Variants in SLC14A2 observed in about 807,000 individuals in gnomAD.
SLC14A2 encodes the protein solute carrier family 14 member 2.
SLC14A2 carries 91 observed loss-of-function variants against 104.6 expected under a neutral mutation model. The ratio of observed to expected loss-of-function variants is 0.87; its 90% CI spans 0.73 to 1.04. SLC14A2 has a LOEUF of 1.04. Among genes scored for constraint, SLC14A2 ranks in the 50% least tolerant of loss-of-function variants. SLC14A2 has a pLI of 0.00. For missense variants in SLC14A2, 1,189 were observed against 1,156.0 expected (o/e 1.03, Z -0.41); for synonymous variants, 476 against 466.4 (o/e 1.02, Z -0.27).
At chr18:45,643,650 C>T (rs998542949) in intron 9 of SLC14A2, among the ~76,000 whole-genome samples, 1 of 152,212 alleles carries the variant, frequency 6.6e-6, no homozygotes, top group Admixed American at 6.5e-5. Flanking sequence ...CCTCCCAGTT[C>T]AGCCTCCCAA....
At chr18:45,262,447 G>T (rs1476576724) in intron 1 of SLC14A2, among the ~76,000 whole-genome samples, 1 of 152,128 alleles carries the variant, frequency 6.6e-6, no homozygotes, top group Non-Finnish European at 1.5e-5. Context: ...CTGAGGAAGG[G>T]GATGCTGCAG....
intron 10 of SLC14A2, among the ~76,000 whole-genome samples, chr18:45,661,502 A>G (rs1248283528): frequency 6.6e-6 from 1 of 152,208 alleles, no homozygotes; most frequent in African/African-American, 2.4e-5. Flanking sequence ...TTGGGAACTG[A>G]GAGACCCAAA....
chr18:45,324,849 G>A (rs963844124), intron 1 of SLC14A2, among the ~76,000 whole-genome samples: 2 of 152,010 alleles, frequency 1.3e-5, no homozygotes, highest in African/African-American at 4.8e-5. Flanking sequence ...GTTGCAATAT[G>A]TTGGAATATG....
At chr18:45,371,938 A>C (rs942372362) in intron 1 of SLC14A2, among the ~76,000 whole-genome samples, 1 of 152,222 alleles carries the variant, frequency 6.6e-6, no homozygotes, top group African/African-American at 2.4e-5. Flanking sequence ...TCTTGAAAAT[A>C]ATTGGGATAG....
At chr18:45,606,710 T>C (rs1426331508) in intron 2 of SLC14A2, among the ~76,000 whole-genome samples, 2 of 142,876 alleles carry the variant, frequency 1.4e-5, no homozygotes, top group South Asian at 4.4e-4. Context: ...TTTACCTAAA[T>C]GCCTATAACT....
At chr18:45,449,423 A>AT (rs1387487517) in intron 1 of SLC14A2, among the ~76,000 whole-genome samples, 1 of 152,052 alleles carries the variant, frequency 6.6e-6, no homozygotes, top group East Asian at 1.9e-4. Flanking sequence ...CATACCTCTC[A>AT]TTTGGATCCT....
chr18:45,307,950 C>T (rs1329473045), intron 1 of SLC14A2, among the ~76,000 whole-genome samples: 2 of 152,172 alleles, frequency 1.3e-5, no homozygotes, highest in Non-Finnish European at 1.5e-5. Flanking sequence ...CCTCAGGGAG[C>T]TTCCAATCAC....
intron 1 of SLC14A2, among the ~76,000 whole-genome samples, chr18:45,327,854 G>A (rs1445137227): frequency 1.3e-5 from 2 of 152,166 alleles, no homozygotes; most frequent in Non-Finnish European, 2.9e-5. Context: ...CGAAGGGAAT[G>A]ATAAGGCTTG....
intron 1 of SLC14A2, among the ~76,000 whole-genome samples, chr18:45,419,054 A>G (rs2086309872): frequency 6.6e-6 from 1 of 152,204 alleles, no homozygotes; most frequent in African/African-American, 2.4e-5. Flanking sequence ...TCAAGATTTA[A>G]TGTGTGTTTT....
intron 1 of SLC14A2, among the ~76,000 whole-genome samples, chr18:45,317,581 T>A (rs2085142301): frequency 6.6e-6 from 1 of 151,380 alleles, no homozygotes; most frequent in Non-Finnish European, 1.5e-5. Context: ...GAAAGATGAA[T>A]AAGAGCTGGC....
chr18:45,486,937 A>C (rs1430065415), intron 2 of SLC14A2, among the ~76,000 whole-genome samples: 2 of 152,216 alleles, frequency 1.3e-5, no homozygotes, highest in Non-Finnish European at 2.9e-5. Flanking sequence ...CAGACCAGTG[A>C]AGGGCATGTC....
chr18:45,361,348 A>C (rs2085609015), intron 1 of SLC14A2, among the ~76,000 whole-genome samples: 1 of 152,170 alleles, frequency 6.6e-6, no homozygotes, highest in Non-Finnish European at 1.5e-5. Context: ...CTGTCATTTG[A>C]AACCATGATT....
intron 1 of SLC14A2, among the ~76,000 whole-genome samples, chr18:45,348,518 A>G (rs1220939485): frequency 6.6e-6 from 1 of 152,098 alleles, no homozygotes; most frequent in Non-Finnish European, 1.5e-5. Context: ...CAAATATCCT[A>G]TGGCTGGAAT....
chr18:45,450,734 G>A (rs1424187261), intron 1 of SLC14A2, among the ~76,000 whole-genome samples: 2 of 152,228 alleles, frequency 1.3e-5, no homozygotes, highest in South Asian at 2.1e-4. Flanking sequence ...AATATTAACT[G>A]TAGCCTCTGT....
the SLC14A2 span, among the ~76,000 whole-genome samples, chr18:45,191,199 G>C: frequency 6.6e-6 from 1 of 152,262 alleles, no homozygotes; most frequent in East Asian, 1.9e-4. Context: ...CTTGAAGGCA[G>C]AGGCTGTGCC....
chr18:45,459,453 G>T (rs753052408), intron 1 of SLC14A2, among the ~76,000 whole-genome samples: 2 of 152,304 alleles, frequency 1.3e-5, no homozygotes, highest in African/African-American at 4.8e-5. Context: ...ACTGGGGGAG[G>T]TTGCTGTGAT....
intron 10 of SLC14A2, among the ~76,000 whole-genome samples, chr18:45,650,928 G>A (rs4890566): frequency 0.3 from 45,757 of 151,562 alleles, 7,806 homozygotes; most frequent in Middle Eastern, 0.46. Context: ...TAGCAAAGAT[G>A]GGGTTTCACC....
rs115775071 is a variant in SLC14A2 at position 45,218,446 on chromosome 18, C to A, written c.-125+5255C>A. 2.7e-3 allele frequency among the ~76,000 whole-genome samples: 413 copies of A among 152,270 alleles called. 2 individuals carry two copies. Among genetic ancestry groups the A allele is most frequent in the African/African-American group, 8.9e-3 (368 of 41,562 alleles). On this transcript the variant is annotated intron_variant, in intron 1 of 20. Transcript: ENST00000586448. The stretch of plus-strand genomic sequence containing the variant: ...AAGAAGATAAAATGCTTGTTACTGT[C>A]CAATCGGCATCTATATGCATGCTAG...
chr18:45,197,626 C>G, the SLC14A2 span, among the ~76,000 whole-genome samples: 1 of 152,198 alleles, frequency 6.6e-6, no homozygotes, highest in African/African-American at 2.4e-5. Flanking sequence ...GAACTTACAT[C>G]CCACTGATGG....
Sources: gnomAD v4.1 joint callset for allele counts (sites outside exome capture counted in the v4.1 genomes callset) on GRCh38, gnomAD v4.1.1 for gene constraint, MANE v1.5 for transcripts, NCBI Gene and HGNC (gene_info 2026-07-23, HGNC 2026-07-21) for gene names.